SNRPE: variants seen among roughly 807,000 people sequenced by gnomAD.
SNRPE encodes the protein small nuclear ribonucleoprotein E.
For synonymous variants in SNRPE, 35 were observed against 36.7 expected (o/e 0.95, Z 0.17); for missense variants, 53 against 111.6 (o/e 0.48, Z 2.36).
chr1:203,864,536 C>T (rs1482840042), intron 3 of SNRPE, among the ~76,000 whole-genome samples: 1 of 151,998 alleles, frequency 6.6e-6, no homozygotes, highest in Non-Finnish European at 1.5e-5. Flanking sequence ...CCACCTCAGC[C>T]TCTAGTAGCT....
chr1:203,867,698 G>A (rs947146471), intron 4 of SNRPE, among the ~76,000 whole-genome samples: 44 of 152,138 alleles, frequency 2.9e-4, no homozygotes, highest in Admixed American at 2.9e-3. Flanking sequence ...GATGGGGAGT[G>A]GCTGTAAATA....
rs1690184470 is a variant in SNRPE at position 203,870,091 on chromosome 1, T to C, written c.*159T>C. 2 of 534,150 alleles carry C rather than the reference T, an allele frequency of 3.7e-6. No individual in the cohort carries two copies. The highest frequency in any genetic ancestry group is 7.7e-5 in the Admixed American group (2 of 25,950). The allele number at this position is 534,150 out of a possible 1,614,324, so 33.1% of individuals were successfully genotyped here. On this transcript the variant is annotated 3_prime_UTR_variant, in exon 5 of 5. Transcript: ENST00000414487. ...GATTGTTTGTATTAAAAAATTTACA[T>C]TGCTTCTTACTATTCAGCAGTAGAA...
chr1:203,866,484 G>A (rs1325828172), intron 4 of SNRPE, among the ~76,000 whole-genome samples: 1 of 152,008 alleles, frequency 6.6e-6, no homozygotes, highest in Non-Finnish European at 1.5e-5. Context: ...TGTTTGTCTG[G>A]GCCTATTCAC....
chr1:203,869,289 CT>C (rs564988259), intron 4 of SNRPE, among the ~76,000 whole-genome samples: 2 of 66,814 alleles, frequency 3.0e-5, no homozygotes, highest in African/African-American at 1.2e-4. Flanking sequence ...AGGATGGAGT[CT>C]TTTTTTTTTT....
chr1:203,861,888 T>G (rs1572401666), intron 1 of SNRPE, 175 bp downstream of exon 1: 1 of 652,418 alleles, frequency 1.5e-6, no homozygotes, highest in Non-Finnish European at 2.8e-6. Flanking sequence ...GGGGAGGTGG[T>G]CTTGGGGGGA....
At chr1:203,862,294 T>C (rs375293324) in intron 2 of SNRPE, 72 bp downstream of exon 2, 77 of 1,046,612 alleles carry the variant, frequency 7.4e-5, no homozygotes, top group Non-Finnish European at 1.1e-4. Flanking sequence ...TGTGTTAACC[T>C]GAGCGATCGC....
chr1:203,862,320 A>C, intron 2 of SNRPE, 98 bp downstream of exon 2: 1 of 860,482 alleles, frequency 1.2e-6, no homozygotes, highest in South Asian at 1.4e-5. Context: ...TCTAGAATTT[A>C]AAAATAGATG....
rs1690193019 is a variant in SNRPE at position 203,870,493 on chromosome 1, A to G, written c.*561A>G. 1.3e-5 allele frequency: 2 copies of G among 152,276 alleles called. No individual in the cohort carries two copies. The highest frequency in any genetic ancestry group is 3.4e-3 in the Middle Eastern group (1 of 294). 9.4% of individuals were successfully genotyped at this position (152,276 alleles called of 1,614,324 possible). A position where few individuals can be genotyped will look rare whatever the true frequency, so the allele number is the denominator to read the frequency against. Reference sequence around the variant, plus strand: ...ATGTGAGAAGTATTTGGATATAGGGAAAGAATGAAGTGCCTTTCAAGTACA... The same window carrying G: ...ATGTGAGAAGTATTTGGATATAGGGGAAGAATGAAGTGCCTTTCAAGTACA... On this transcript the variant is annotated 3_prime_UTR_variant, in exon 5 of 5. Transcript: ENST00000414487.
intron 1 of SNRPE, 178 bp downstream of exon 1, chr1:203,861,891 T>TG (rs1406855683): frequency 1.5e-6 from 1 of 648,860 alleles, no homozygotes. Context: ...GAGGTGGTCT[T>TG]GGGGGGACCC....
intron 4 of SNRPE, among the ~76,000 whole-genome samples, chr1:203,868,196 C>T (rs994348395): frequency 6.6e-6 from 1 of 152,102 alleles, no homozygotes; most frequent in African/African-American, 2.4e-5. Flanking sequence ...GCTGGGACTA[C>T]AGGCGTGTAC....
intron 4 of SNRPE, among the ~76,000 whole-genome samples, chr1:203,868,909 T>A (rs1690150690): frequency 6.6e-6 from 1 of 152,168 alleles, no homozygotes; most frequent in South Asian, 2.1e-4. Context: ...GCTCAGGCAT[T>A]CCACCCACCT....
Position 203,863,549 on chromosome 1 carries a change from G to C in SNRPE, c.82-114G>C, listed in dbSNP as rs1030144199. On this transcript the variant is annotated intron_variant, in intron 2 of 4. Transcript: ENST00000414487. ...TTAACGAGGATGGTCTCTATCTCTT[G>C]ACCTTGTGATCCACCTCCCTCGGCC... The C allele has an allele frequency of 1.9e-5, 14 of 730,356 alleles. 1 individual carries two copies. Among genetic ancestry groups the C allele is most frequent in the Non-Finnish European group, 3.0e-5 (12 of 403,036 alleles). 45.2% of individuals were successfully genotyped at this position (730,356 alleles called of 1,614,324 possible). A position where few individuals can be genotyped will look rare whatever the true frequency, so the allele number is the denominator to read the frequency against.
intron 4 of SNRPE, among the ~76,000 whole-genome samples, chr1:203,867,071 C>T (rs1690102238): frequency 6.8e-6 from 1 of 147,426 alleles, no homozygotes; most frequent in African/African-American, 2.5e-5. Context: ...GAATTCAAGA[C>T]CATCCTGGCT....
intron 4 of SNRPE, among the ~76,000 whole-genome samples, chr1:203,865,759 C>G (rs546087384): frequency 1.3e-5 from 2 of 152,224 alleles, no homozygotes; most frequent in Admixed American, 6.5e-5. Context: ...TGGCTATAAA[C>G]TGGGTCCCAT....
chr1:203,864,415 T>TTTGGGATAGCAGG (rs1690043477), intron 3 of SNRPE, among the ~76,000 whole-genome samples: 1 of 149,450 alleles, frequency 6.7e-6, no homozygotes, highest in African/African-American at 2.5e-5. Context: ...AAATAAGGCT[T>TTTGGGATAGCAGG]CTGGGATAGC....
At position 203,869,289 on chromosome 1, in the gene SNRPE, C is replaced by CTTTTTTTTTTTTTT. The variant is rs564988259; in HGVS notation, c.224-567_224-554dup. 1.9e-4 allele frequency among the ~76,000 whole-genome samples: 13 copies of CTTTTTTTTTTTTTT among 66,814 alleles called. 1 individual carries two copies. Among genetic ancestry groups the CTTTTTTTTTTTTTT allele is most frequent in the South Asian group, 7.1e-4 (1 of 1,408 alleles). 43.8% of individuals were successfully genotyped at this position (66,814 alleles called of 152,430 possible). On this transcript the variant is annotated intron_variant, in intron 4 of 4. Transcript: ENST00000414487. ...AGGTTTGTTTATTGTAGGATGGAGT[C>CTTTTTTTTTTTTTT]TTTTTTTTTTTTTTTTTTTTTTTTT... is the stretch of plus-strand genomic sequence containing the variant.
chr1:203,870,006 A>G lies in SNRPE; in HGVS notation c.*74A>G. On this transcript the variant is annotated 3_prime_UTR_variant, in exon 5 of 5. Coordinates refer to ENST00000414487, the MANE Select transcript of SNRPE (RefSeq NM_003094.4). ...TAGATGTCCTTTGTCCAATGTGAAC[A>G]TTTATTCATATTGTTTTGATTACCC... 1.1e-6 allele frequency: 1 copy of G among 880,170 alleles called. No homozygotes were observed. The highest frequency in any genetic ancestry group is 1.6e-5 in the South Asian group (1 of 64,278). The allele number at this position is 880,170 out of a possible 1,614,324, so 54.5% of individuals were successfully genotyped here.
intron 4 of SNRPE, among the ~76,000 whole-genome samples, chr1:203,865,607 A>C (rs1690070307): frequency 6.6e-6 from 1 of 152,188 alleles, no homozygotes; most frequent in South Asian, 2.1e-4. Flanking sequence ...AGTTCAGTTC[A>C]GTTCTAACAC....
chr1:203,863,782 A>G, intron 3 of SNRPE, 57 bp downstream of exon 3: 2 of 1,181,318 alleles, frequency 1.7e-6, no homozygotes, highest in Non-Finnish European at 2.5e-6. Context: ...AAGACTTAAC[A>G]GAAAGTGTCT....
Sources: gnomAD v4.1 joint callset for allele counts (sites outside exome capture counted in the v4.1 genomes callset) on GRCh38, gnomAD v4.1.1 for gene constraint, MANE v1.5 for transcripts, NCBI Gene and HGNC (gene_info 2026-07-23, HGNC 2026-07-21) for gene names.